NKAIN2: variants seen among roughly 807,000 people sequenced by gnomAD.
The protein encoded by NKAIN2 is sodium/potassium transporting ATPase interacting 2.
NKAIN2 carries 14 observed loss-of-function variants against 32.6 expected under a neutral mutation model. The observed-to-expected ratio is 0.43, with a 90% CI of 0.28 to 0.67. The LOEUF (loss-of-function observed/expected upper bound fraction) is 0.67. NKAIN2 is among the 30% of genes least tolerant of loss of function. The pLI is 0.17. For missense variants in NKAIN2, 198 were observed against 258.3 expected (o/e 0.77, Z 1.60); for synonymous variants, 80 against 87.2 (o/e 0.92, Z 0.46).
chr6:123,986,085 C>T (rs920712101), intron 1 of NKAIN2, among the ~76,000 whole-genome samples: 5 of 151,918 alleles, frequency 3.3e-5, no homozygotes, highest in African/African-American at 1.2e-4. Flanking sequence ...AATTTAAAAA[C>T]TAGCTAAAAT....
At chr6:124,476,047 T>TGAGAGA (rs529640624) in intron 3 of NKAIN2, among the ~76,000 whole-genome samples, 7 of 138,700 alleles carry the variant, frequency 5.0e-5, no homozygotes, top group African/African-American at 1.9e-4. Flanking sequence ...AGTGTGTGTG[T>TGAGAGA]GAGAGAGAGA....
chr6:124,614,383 G>A (rs1782804530), intron 3 of NKAIN2, among the ~76,000 whole-genome samples: 1 of 152,148 alleles, frequency 6.6e-6, no homozygotes, highest in Non-Finnish European at 1.5e-5. Flanking sequence ...AACAGAGCGA[G>A]ACTCTGTCTC....
chr6:124,514,583 A>C (rs1224294116), intron 3 of NKAIN2, among the ~76,000 whole-genome samples: 1 of 152,056 alleles, frequency 6.6e-6, no homozygotes, highest in South Asian at 2.1e-4. Flanking sequence ...GTATTTAGTT[A>C]TGCAACTTCA....
chr6:124,499,241 A>T (rs1778189087), intron 3 of NKAIN2, among the ~76,000 whole-genome samples: 1 of 152,160 alleles, frequency 6.6e-6, no homozygotes, highest in Admixed American at 6.5e-5. Flanking sequence ...TTTATTTTAT[A>T]TGTTTACAGT....
intron 1 of NKAIN2, among the ~76,000 whole-genome samples, chr6:124,127,701 G>A (rs796889986): frequency 2.8e-4 from 43 of 152,304 alleles, no homozygotes; most frequent in African/African-American, 9.6e-4. Context: ...GGCCTGGTCA[G>A]CAAAGGAGGC....
intron 1 of NKAIN2, among the ~76,000 whole-genome samples, chr6:124,027,137 C>A (rs927801290): frequency 4.1e-5 from 6 of 144,982 alleles, no homozygotes; most frequent in Admixed American, 2.7e-4. Flanking sequence ...TTAATTATCA[C>A]TCTTTTTTTT....
At chr6:124,747,414 A>C (rs1777496647) in intron 4 of NKAIN2, among the ~76,000 whole-genome samples, 1 of 151,932 alleles carries the variant, frequency 6.6e-6, no homozygotes, top group Admixed American at 6.6e-5. Flanking sequence ...ATCAAGAAAT[A>C]TGTTAAGCCT....
chr6:124,072,462 A>C, intron 1 of NKAIN2, among the ~76,000 whole-genome samples: 1 of 149,368 alleles, frequency 6.7e-6, no homozygotes, highest in African/African-American at 2.6e-5. Context: ...AATCTAAAAG[A>C]GAAGTTGAAA....
chr6:124,355,968 T>C (rs1798952480), intron 3 of NKAIN2, among the ~76,000 whole-genome samples: 1 of 152,188 alleles, frequency 6.6e-6, no homozygotes, highest in Non-Finnish European at 1.5e-5. Context: ...AACACCATCA[T>C]CCTTCTGTTA....
At chr6:123,922,751 T>G (rs1380037252) in intron 1 of NKAIN2, among the ~76,000 whole-genome samples, 1 of 152,202 alleles carries the variant, frequency 6.6e-6, no homozygotes, top group Non-Finnish European at 1.5e-5. Context: ...AGTTGTTTCC[T>G]TGTATATGTA....
At chr6:123,959,507 A>T (rs1363164911) in intron 1 of NKAIN2, among the ~76,000 whole-genome samples, 1 of 152,190 alleles carries the variant, frequency 6.6e-6, no homozygotes, top group Admixed American at 6.5e-5. Context: ...ACAATTCTTT[A>T]TGTGTCCTTG....
chr6:124,476,558 T>C (rs1777225681), intron 3 of NKAIN2, among the ~76,000 whole-genome samples: 1 of 152,162 alleles, frequency 6.6e-6, no homozygotes, highest in African/African-American at 2.4e-5. Context: ...ACACCAAGTT[T>C]AGAAACCAAT....
At chr6:124,136,995 T>C (rs950611045) in intron 1 of NKAIN2, among the ~76,000 whole-genome samples, 1 of 152,094 alleles carries the variant, frequency 6.6e-6, no homozygotes, top group Admixed American at 6.5e-5. Context: ...AACATAGTAC[T>C]GTAAGTCCTA....
intron 1 of NKAIN2, among the ~76,000 whole-genome samples, chr6:123,858,587 C>T (rs1775655833): frequency 1.3e-5 from 2 of 152,126 alleles, no homozygotes; most frequent in African/African-American, 4.8e-5. Flanking sequence ...GAAAGTACTG[C>T]CTTTAGAGCT....
chr6:124,333,774 GCA>G (rs1797760069), intron 2 of NKAIN2, among the ~76,000 whole-genome samples: 1 of 152,136 alleles, frequency 6.6e-6, no homozygotes, highest in African/African-American at 2.4e-5. Flanking sequence ...TTCAAAGCTT[GCA>G]CTTAAGAACT....
intron 2 of NKAIN2, among the ~76,000 whole-genome samples, chr6:124,343,028 G>C: frequency 8.0e-6 from 1 of 125,088 alleles, no homozygotes; most frequent in Non-Finnish European, 1.5e-5. Context: ...TCCCCTTCCT[G>C]TGTTCATGTG....
chr6:123,827,675 G>A (rs532381641), intron 1 of NKAIN2, among the ~76,000 whole-genome samples: 1 of 152,060 alleles, frequency 6.6e-6, no homozygotes, highest in East Asian at 1.9e-4. Flanking sequence ...TTATGAAATG[G>A]TGCTATGATT....
At chr6:124,212,838 T>C (rs1466346657) in intron 1 of NKAIN2, among the ~76,000 whole-genome samples, 1 of 152,106 alleles carries the variant, frequency 6.6e-6, no homozygotes, top group African/African-American at 2.4e-5. Flanking sequence ...GATTTAGTTA[T>C]TAGACTCAAA....
chr6:124,576,787 A>C (rs1430167069), intron 3 of NKAIN2, among the ~76,000 whole-genome samples: 1 of 152,234 alleles, frequency 6.6e-6, no homozygotes. Flanking sequence ...TATAGTGTCA[A>C]AAAAGATCCA....
Sources: allele counts gnomAD v4.1 joint callset (sites outside exome capture counted in the v4.1 genomes callset), GRCh38; gene constraint gnomAD v4.1.1; transcripts MANE v1.5; gene names NCBI Gene and HGNC (gene_info 2026-07-23, HGNC 2026-07-21).